Variants in NR3C2 observed in about 807,000 individuals in gnomAD.
The protein encoded by NR3C2 is mineralocorticoid receptor.
Under a neutral mutation model 86.4 loss-of-function variants are expected in NR3C2, and 15 were observed. The observed-to-expected ratio is 0.17, with a 90% CI of 0.12 to 0.27. NR3C2 has a LOEUF of 0.27. NR3C2 is among the 10% of genes least tolerant of loss of function. The pLI is 1.00. For missense variants in NR3C2, 960 were observed against 1,195.6 expected (o/e 0.80, Z 2.91); for synonymous variants, 458 against 450.5 (o/e 1.02, Z -0.21).
intron 3 of NR3C2, among the ~76,000 whole-genome samples, chr4:148,197,134 T>C (rs1056741065): frequency 6.6e-6 from 1 of 151,808 alleles, no homozygotes; most frequent in Non-Finnish European, 1.5e-5. Context: ...CCAGGAGAGG[T>C]TTTTCTAAAT....
chr4:148,182,980 C>T (rs981348375), intron 4 of NR3C2, among the ~76,000 whole-genome samples: 5 of 152,322 alleles, frequency 3.3e-5, no homozygotes, highest in Middle Eastern at 3.4e-3. Flanking sequence ...CTGCCCCCAA[C>T]TCCACAACAG....
At chr4:148,218,712 T>C (rs34209795) in intron 3 of NR3C2, among the ~76,000 whole-genome samples, 15 of 152,216 alleles carry the variant, frequency 9.9e-5, no homozygotes, top group Non-Finnish European at 2.2e-4. Flanking sequence ...TAATCTAGTT[T>C]CTGTCTCTTT....
chr4:148,217,588 C>G (rs565414347), intron 3 of NR3C2, among the ~76,000 whole-genome samples: 1 of 152,326 alleles, frequency 6.6e-6, no homozygotes, highest in South Asian at 2.1e-4. Flanking sequence ...GAGGTCCTTC[C>G]TCTTTCCATC....
At chr4:148,083,648 C>T (rs186412586) in intron 8 of NR3C2, among the ~76,000 whole-genome samples, 23 of 152,290 alleles carry the variant, frequency 1.5e-4, no homozygotes, top group African/African-American at 5.3e-4. Context: ...AGGATCACAA[C>T]TCCTCGTCAG....
At chr4:148,126,605 CAGATTAA>C (rs1036972716) in intron 6 of NR3C2, among the ~76,000 whole-genome samples, 3 of 152,180 alleles carry the variant, frequency 2.0e-5, no homozygotes, top group African/African-American at 7.2e-5. Flanking sequence ...CATCCACACA[CAGATTAA>C]AGATTAAAGA....
intron 4 of NR3C2, among the ~76,000 whole-genome samples, chr4:148,177,548 T>C (rs1262727587): frequency 6.6e-6 from 1 of 152,206 alleles, no homozygotes; most frequent in African/African-American, 2.4e-5. Context: ...ATCAGATCAT[T>C]AGCCACTAGA....
chr4:148,125,123 T>C (rs1179008631), intron 6 of NR3C2, among the ~76,000 whole-genome samples: 4 of 152,258 alleles, frequency 2.6e-5, no homozygotes, highest in Non-Finnish European at 1.5e-5. Flanking sequence ...ACTACAGAGT[T>C]TTAGCATTTG....
intron 8 of NR3C2, among the ~76,000 whole-genome samples, chr4:148,085,214 A>G (rs1466054768): frequency 6.6e-6 from 1 of 152,194 alleles, no homozygotes; most frequent in Non-Finnish European, 1.5e-5. Flanking sequence ...TCAGCACCTC[A>G]TCGCACTTTT....
intron 6 of NR3C2, among the ~76,000 whole-genome samples, chr4:148,150,573 C>T (rs1200540714): frequency 6.6e-6 from 1 of 152,152 alleles, no homozygotes; most frequent in Non-Finnish European, 1.5e-5. Context: ...AATAAATAGA[C>T]TGTGAAAAGG....
chr4:148,141,694 CGAGT>C (rs1256079270), intron 6 of NR3C2, among the ~76,000 whole-genome samples: 5 of 152,134 alleles, frequency 3.3e-5, no homozygotes, highest in Non-Finnish European at 7.3e-5. Context: ...GGGCAGCAGG[CGAGT>C]GAGTGTTACA....
chr4:148,386,084 T>C (rs564351640), intron 2 of NR3C2, among the ~76,000 whole-genome samples: 2 of 152,236 alleles, frequency 1.3e-5, no homozygotes, highest in Non-Finnish European at 2.9e-5. Flanking sequence ...GGAATGCTAT[T>C]GGTGTGTGCA....
At chr4:148,425,104 C>CT (rs1005825791) in intron 2 of NR3C2, among the ~76,000 whole-genome samples, 11 of 152,146 alleles carry the variant, frequency 7.2e-5, no homozygotes, top group Non-Finnish European at 1.5e-4. Flanking sequence ...CAGTAGAACT[C>CT]TGTCATTTAA....
chr4:148,227,080 A>T (rs1738211116), intron 3 of NR3C2, among the ~76,000 whole-genome samples: 1 of 152,206 alleles, frequency 6.6e-6, no homozygotes, highest in South Asian at 2.1e-4. Context: ...TTATAATTCA[A>T]TACTCTTAAC....
intron 3 of NR3C2, among the ~76,000 whole-genome samples, chr4:148,234,745 C>T (rs1025022623): frequency 1.3e-5 from 2 of 149,556 alleles, no homozygotes; most frequent in South Asian, 4.2e-4. Context: ...AAGGCCAATA[C>T]ATGGGTTACT....
Position 148,384,293 on chromosome 4 carries a change from G to A in NR3C2, c.1757+50811C>T, listed in dbSNP as rs1219884097. Among the ~76,000 whole-genome samples the A allele has an allele frequency of 2.0e-5, 3 of 151,940 alleles. No homozygotes were observed. The East Asian group carries it at 5.8e-4, about 29-fold the overall frequency. On this transcript the variant is annotated intron_variant, in intron 2 of 8. Transcript: ENST00000358102. ...ATTATCAATATGAGAATACTTAGTAGTGATTTTATTTCTTATTCTTATATA... is the reference window on the plus strand; with the variant it reads ...ATTATCAATATGAGAATACTTAGTAATGATTTTATTTCTTATTCTTATATA...
At position 148,130,827 on chromosome 4, in the gene NR3C2, T is replaced by TG. The variant is rs1560936960; in HGVS notation, c.2511-10540_2511-10539insC. ...TTGTTTTGTTTTGTTTTGTTTTTTT[T>TG]TTTTTTTTTTTTTTGAGACAGAGTC... On this transcript the variant is annotated intron_variant, in intron 6 of 8. Transcript: ENST00000358102. 3.0e-3 allele frequency among the ~76,000 whole-genome samples: 391 copies of TG among 130,850 alleles called. 1 individual carries two copies. The highest frequency in any genetic ancestry group is 0.01 in the African/African-American group (361 of 35,200). 85.8% of individuals were successfully genotyped at this position (130,850 alleles called of 152,430 possible). A position where few individuals can be genotyped will look rare whatever the true frequency, so the allele number is the denominator to read the frequency against.
intron 2 of NR3C2, among the ~76,000 whole-genome samples, chr4:148,355,547 T>C (rs1203340395): frequency 6.6e-6 from 1 of 152,122 alleles, no homozygotes; most frequent in Non-Finnish European, 1.5e-5. Context: ...TCCCAGGCAG[T>C]GCCACCTCTG....
chr4:148,086,237 C>T (rs1179748333), intron 8 of NR3C2, among the ~76,000 whole-genome samples: 1 of 152,140 alleles, frequency 6.6e-6, no homozygotes, highest in South Asian at 2.1e-4. Flanking sequence ...CAATAAAATA[C>T]GGGCAAACTG....
intron 2 of NR3C2, among the ~76,000 whole-genome samples, chr4:148,401,262 G>A (rs1022361307): frequency 2.6e-5 from 4 of 152,072 alleles, no homozygotes; most frequent in Middle Eastern, 3.2e-3. Flanking sequence ...CATCTGATGC[G>A]GAAGCATGGC....
Sources: gnomAD v4.1 joint callset for allele counts (sites outside exome capture counted in the v4.1 genomes callset) on GRCh38, gnomAD v4.1.1 for gene constraint, MANE v1.5 for transcripts, NCBI Gene and HGNC (gene_info 2026-07-23, HGNC 2026-07-21) for gene names.